The following DCPS variants were observed in gnomAD, a reference collection of about 807,000 sequenced individuals.
The protein encoded by DCPS is m7GpppX diphosphatase.
DCPS carries 27 observed loss-of-function variants against 34.7 expected under a neutral mutation model. That is an observed-to-expected ratio of 0.78 (90% CI 0.57 to 1.07). The LOEUF (loss-of-function observed/expected upper bound fraction) is 1.07. DCPS is among the 50% of genes least tolerant of loss of function. The pLI, the probability that DCPS is intolerant of heterozygous loss-of-function variation, is 0.00. For missense variants in DCPS, 464 were observed against 436.9 expected (o/e 1.06, Z -0.55); for synonymous variants, 185 against 185.7 (o/e 1.00, Z 0.03).
At chr11:126,304,959 G>A (rs913472835) in intron 1 of DCPS, among the ~76,000 whole-genome samples, 2 of 152,098 alleles carry the variant, frequency 1.3e-5, no homozygotes, top group East Asian at 3.9e-4. Flanking sequence ...CAGATATGGG[G>A]GTTCCCCAGA....
Position 126,338,572 on chromosome 11 carries a change from G to A in DCPS, c.636+173G>A, listed in dbSNP as rs971303155. Among the ~76,000 whole-genome samples the A allele has an allele frequency of 5.3e-5, 8 of 152,144 alleles. No homozygotes were observed. The highest frequency in any genetic ancestry group is 1.9e-4 in the African/African-American group (8 of 41,434). ...GGGTGGATACCTGTCATACATAAGT[G>A]CTTTTGCTTTAATGGGTCAGCTTAA... On this transcript the variant is annotated intron_variant, in intron 4 of 5. Coordinates refer to ENST00000263579, the MANE Select transcript of DCPS (RefSeq NM_014026.6). The surrounding 1 kb of genome is among the most constrained non-coding windows in gnomAD (Gnocchi z 5.4).
At chr11:126,340,802 A>T (rs1341614605) in intron 4 of DCPS, 1 of 152,244 alleles carries the variant, frequency 6.6e-6, no homozygotes, top group African/African-American at 2.4e-5. Context: ...ACATGTATTT[A>T]TCAGGTGCCT....
Position 126,319,404 on chromosome 11 carries a change from C to T in DCPS, c.377-12001C>T, listed in dbSNP as rs1951686514. Among the ~76,000 whole-genome samples the T allele has an allele frequency of 6.6e-6, 1 of 152,082 alleles. No homozygotes were observed. Among genetic ancestry groups the T allele is most frequent in the African/African-American group, 2.4e-5 (1 of 41,396 alleles). ...CCAGTCTGGAAGCAAGGTCCTCTTC[C>T]GTCCCTTTGTGCTCCCCCCAGAACC... is the stretch of plus-strand genomic sequence containing the variant. On this transcript the variant is annotated intron_variant, in intron 2 of 5. Coordinates refer to ENST00000263579, the MANE Select transcript of DCPS (RefSeq NM_014026.6). This position sits in a 1 kb window ranked among gnomAD's most constrained non-coding sequence, Gnocchi z 4.5.
In DCPS at chr11:126,315,951, G is replaced by A. The variant is rs996715211; in HGVS notation, c.376+9207G>A. On this transcript the variant is annotated intron_variant, in intron 2 of 5. Transcript: ENST00000263579. The surrounding 1 kb of genome is among the most constrained non-coding windows in gnomAD (Gnocchi z 6.1). ...CTATCTCAAACTCCTGACCTCAAGT[G>A]ATCTGCCCACCTCACCCTTTCAAAG... Among the ~76,000 whole-genome samples, 1 of 152,030 alleles carries A rather than the reference G, an allele frequency of 6.6e-6. No homozygotes were observed. The highest frequency in any genetic ancestry group is 2.4e-5 in the African/African-American group (1 of 41,302).
At chr11:126,321,511 G>C (rs1478144113) in intron 2 of DCPS, among the ~76,000 whole-genome samples, 1 of 152,116 alleles carries the variant, frequency 6.6e-6, no homozygotes, top group African/African-American at 2.4e-5. Flanking sequence ...TGCCCAGCCC[G>C]AGAGAAAACC....
At chr11:126,306,257 C>T (rs1951564461) in intron 1 of DCPS, among the ~76,000 whole-genome samples, 1 of 152,056 alleles carries the variant, frequency 6.6e-6, no homozygotes, top group South Asian at 2.1e-4. Context: ...CCTGTAATCC[C>T]AGCTACTCAG....
chr11:126,306,596 T>C lies in DCPS; in HGVS notation c.228T>C (p.Asp76=), dbSNP rs371538904. Residue 76 remains aspartate (D), a synonymous_variant, in exon 2 of 6, where the codon GAT becomes GAC. Coordinates refer to ENST00000263579, the MANE Select transcript of DCPS (RefSeq NM_014026.6). ...TGAATGAGGCCTCTGGGGATGGGGA[T>C]GGAGAGGATGCCGTTGTGATCCTGG... ...GKVNEASGDG[D]GEDAVVILEK... is the part of the protein sequence containing the mutation. The C allele has an allele frequency of 1.2e-5, 19 of 1,611,842 alleles. No homozygotes were observed. The Middle Eastern group carries it at 1.0e-3, about 87-fold the overall frequency.
intron 2 of DCPS, among the ~76,000 whole-genome samples, chr11:126,307,911 A>G (rs1951586501): frequency 6.6e-6 from 1 of 152,158 alleles, no homozygotes; most frequent in Non-Finnish European, 1.5e-5. Flanking sequence ...CGGGAAAGCT[A>G]AGGTTTTTCA....
intron 2 of DCPS, 152 bp downstream of exon 2, chr11:126,306,896 G>A: frequency 1.0e-6 from 1 of 985,310 alleles, no homozygotes; most frequent in East Asian, 2.8e-5. Flanking sequence ...CATCGGTGAA[G>A]ACATTTTTGA....
At position 126,348,517 on chromosome 11, in the gene DCPS, A is replaced by G. The variant is rs956876985; in HGVS notation, c.*2904A>G. ...GGCCCCCATGCAGCTCCCTCCCTCA[A>G]TCCAACCCTCTTTGGGCTTATCACC... On this transcript the variant is annotated 3_prime_UTR_variant, in exon 6 of 6. Coordinates refer to ENST00000263579, the MANE Select transcript of DCPS (RefSeq NM_014026.6). This position sits in a 1 kb window ranked among gnomAD's most constrained non-coding sequence, Gnocchi z 5.3. 2.6e-5 allele frequency among the ~76,000 whole-genome samples: 4 copies of G among 152,072 alleles called. No homozygotes were observed. Among genetic ancestry groups the G allele is most frequent in the Non-Finnish European group, 5.9e-5 (4 of 67,998 alleles).
Position 126,325,902 on chromosome 11 carries a change from G to A in DCPS, c.377-5503G>A, listed in dbSNP as rs1951735673. On this transcript the variant is annotated intron_variant, in intron 2 of 5. Transcript: ENST00000263579. The surrounding 1 kb of genome is among the most constrained non-coding windows in gnomAD (Gnocchi z 4.3). ...TGGGAGGCTGAGGTGGGCGGATTAC[G>A]AGATCAGGAAATCGAGGCCATCCTG... Among the ~76,000 whole-genome samples, 1 of 152,044 alleles carries A rather than the reference G, an allele frequency of 6.6e-6. No individual in the cohort carries two copies. Among genetic ancestry groups the A allele is most frequent in the African/African-American group, 2.4e-5 (1 of 41,388 alleles).
intron 2 of DCPS, among the ~76,000 whole-genome samples, chr11:126,308,433 T>A (rs577701836): frequency 6.6e-6 from 1 of 152,232 alleles, no homozygotes; most frequent in South Asian, 2.1e-4. Context: ...TTTGGAAATA[T>A]GTGAACACTT....
intron 4 of DCPS, chr11:126,341,666 C>T (rs1187516391): frequency 3.9e-5 from 6 of 152,278 alleles, no homozygotes; most frequent in Non-Finnish European, 8.8e-5. Flanking sequence ...CATACACCTT[C>T]ACCACCACGT....
At position 126,345,027 on chromosome 11, in the gene DCPS, G is replaced by T. The variant is rs562259639; in HGVS notation, c.748-320G>T. Among the ~76,000 whole-genome samples the T allele has an allele frequency of 5.3e-4, 80 of 152,342 alleles. No homozygotes were observed. Among genetic ancestry groups the T allele is most frequent in the Middle Eastern group, 3.4e-3 (1 of 294 alleles). ...TCTGGGGCCTGTCTGTAGACACTGG[G>T]CCTTCCAAGATTCCCAGCAGCAACT... On this transcript the variant is annotated intron_variant, in intron 5 of 5. Coordinates refer to ENST00000263579, the MANE Select transcript of DCPS (RefSeq NM_014026.6). The surrounding 1 kb of genome is among the most constrained non-coding windows in gnomAD (Gnocchi z 7.4).
rs565073079 is a variant in DCPS at position 126,341,376 on chromosome 11, T to A, written c.637-1931T>A. The A allele has an allele frequency of 2.6e-5, 4 of 152,400 alleles. No homozygotes were observed. In the East Asian group the frequency reaches 7.7e-4, roughly 29 times the overall value. The allele number at this position is 152,400 out of a possible 1,614,324, so 9.4% of individuals were successfully genotyped here. A position where few individuals can be genotyped will look rare whatever the true frequency, so the allele number is the denominator to read the frequency against. ...TGCCCCTGGGCTAGCTTTTTTCAGA[T>A]GACTTCTCTGAGCGAGGAGGCCTTT... On this transcript the variant is annotated intron_variant, in intron 4 of 5. Transcript: ENST00000263579.
In DCPS at chr11:126,331,615, G is replaced by A; in HGVS notation, c.522+65G>A. ...GTGGCTGGTGCCTCCTCTTACGAGTGTCTATTGGGGTCATATTAGGGGCCA... is the reference window on the plus strand; with the variant it reads ...GTGGCTGGTGCCTCCTCTTACGAGTATCTATTGGGGTCATATTAGGGGCCA... On this transcript the variant is annotated intron_variant, in intron 3 of 5. Transcript: ENST00000263579. This position sits in a 1 kb window ranked among gnomAD's most constrained non-coding sequence, Gnocchi z 7.2. The A allele has an allele frequency of 6.3e-7, 1 of 1,575,178 alleles. No homozygotes were observed. The highest frequency in any genetic ancestry group is 8.6e-7 in the Non-Finnish European group (1 of 1,159,706).
At position 126,325,851 on chromosome 11, in the gene DCPS, G is replaced by C. The variant is rs1951735418; in HGVS notation, c.377-5554G>C. ...TGCCAGCAGGAAGGCCAGGCGCGGT[G>C]GCTCACACCTGTAATCCCAGCACTT... On this transcript the variant is annotated intron_variant, in intron 2 of 5. Transcript: ENST00000263579. This position sits in a 1 kb window ranked among gnomAD's most constrained non-coding sequence, Gnocchi z 4.3. Among the ~76,000 whole-genome samples, 1 of 152,110 alleles carries C rather than the reference G, an allele frequency of 6.6e-6. No individual in the cohort carries two copies. The highest frequency in any genetic ancestry group is 2.4e-5 in the African/African-American group (1 of 41,424).
At position 126,313,045 on chromosome 11, in the gene DCPS, G is replaced by A. The variant is rs1449222195; in HGVS notation, c.376+6301G>A. On this transcript the variant is annotated intron_variant, in intron 2 of 5. Coordinates refer to ENST00000263579, the MANE Select transcript of DCPS (RefSeq NM_014026.6). The surrounding 1 kb of genome is among the most constrained non-coding windows in gnomAD (Gnocchi z 4.9). ...GCCTGTCAATGGAGCCCTTTATTGC[G>A]GTCTGTTCTCCTTTACCTGGGGAAG... Among the ~76,000 whole-genome samples, 2 of 152,250 alleles carry A rather than the reference G, an allele frequency of 1.3e-5. No individual in the cohort carries two copies. The highest frequency in any genetic ancestry group is 1.9e-4 in the East Asian group (1 of 5,182).
In DCPS at chr11:126,345,763, G is replaced by C; in HGVS notation, c.*150G>C. On this transcript the variant is annotated 3_prime_UTR_variant, in exon 6 of 6. Coordinates refer to ENST00000263579, the MANE Select transcript of DCPS (RefSeq NM_014026.6). The surrounding 1 kb of genome is among the most constrained non-coding windows in gnomAD (Gnocchi z 7.4). ...CTAGCGGGCTCACTCAGTGTGGACA[G>C]CGTGGCCTGGGAGGCAGACAGATGG... 2.4e-6 allele frequency: 3 copies of C among 1,233,892 alleles called. No homozygotes were observed. Among genetic ancestry groups the C allele is most frequent in the South Asian group, 3.0e-5 (2 of 66,142 alleles). 76.4% of individuals were successfully genotyped at this position (1,233,892 alleles called of 1,614,324 possible).
Sources: gnomAD v4.1 joint callset for allele counts (sites outside exome capture counted in the v4.1 genomes callset) on GRCh38, gnomAD v4.1.1 for gene constraint, Gnocchi (gnomAD v3.1) non-coding constraint, MANE v1.5 for transcripts, NCBI Gene and HGNC (gene_info 2026-07-23, HGNC 2026-07-21) for gene names.